Variants in CSGALNACT1 observed in about 807,000 individuals in gnomAD.
The protein encoded by CSGALNACT1 is chondroitin sulfate N-acetylgalactosaminyltransferase 1.
CSGALNACT1 carries 52 observed loss-of-function variants against 51.0 expected under a neutral mutation model. That is an observed-to-expected ratio of 1.02 (90% confidence interval 0.82 to 1.29). The LOEUF is 1.29. Among genes scored for constraint, CSGALNACT1 ranks in the 50% most tolerant of loss-of-function variants. The probability of loss-of-function intolerance (pLI) is 0.00; values close to 1 mark genes in which losing one functional copy is unlikely to be tolerated. For missense variants in CSGALNACT1, 935 were observed against 679.2 expected (o/e 1.38, Z -4.19); for synonymous variants, 341 against 254.4 (o/e 1.34, Z -3.24).
At chr8:19,488,361 TTATATATACATATATATATATA>T (rs1563686186) in intron 4 of CSGALNACT1, among the ~76,000 whole-genome samples, 1 of 89,836 alleles carries the variant, frequency 1.1e-5, no homozygotes, top group African/African-American at 3.8e-5. Context: ...TTATATATAT[TTATATATACATATATATATATA>T]TATATATATA....
chr8:19,468,969 G>A (rs557819670), intron 4 of CSGALNACT1, among the ~76,000 whole-genome samples: 2 of 152,302 alleles, frequency 1.3e-5, no homozygotes, highest in South Asian at 4.1e-4. Context: ...AAGGGTCACT[G>A]AGAAGTCCCA....
rs1400769158 is a variant in CSGALNACT1 at position 19,488,572 on chromosome 8, A to G, written c.634+16629T>C. 7.2e-5 allele frequency among the ~76,000 whole-genome samples: 11 copies of G among 151,924 alleles called. No homozygotes were observed. In the Middle Eastern group the frequency reaches 0.021, roughly 284 times the overall value. On this transcript the variant is annotated intron_variant, in intron 4 of 9. Coordinates refer to ENST00000454498, the Ensembl canonical transcript of CSGALNACT1. ...GGTATCTCAGAGAAAATCAACTGCT[A>G]TTCAGAAGGGTATGAAGAGCCAGGG...
intron 8 of CSGALNACT1, among the ~76,000 whole-genome samples, chr8:19,409,496 T>TAG (rs1334064654): frequency 1.8e-5 from 2 of 109,220 alleles, no homozygotes; most frequent in African/African-American, 6.2e-5. Flanking sequence ...CATATATATA[T>TAG]ATATAGAGAG....
intron 4 of CSGALNACT1, among the ~76,000 whole-genome samples, chr8:19,500,074 T>C (rs1345384087): frequency 1.3e-5 from 2 of 152,150 alleles, no homozygotes; most frequent in Non-Finnish European, 2.9e-5. Flanking sequence ...AGCAAACGCA[T>C]GGAGATATTT....
chr8:19,491,823 C>T (rs796528289), intron 4 of CSGALNACT1, among the ~76,000 whole-genome samples: 16 of 152,288 alleles, frequency 1.1e-4, no homozygotes, highest in African/African-American at 3.4e-4. Flanking sequence ...CTAATAAATT[C>T]GGTACATAAT....
At chr8:19,505,766 G>A (rs771333789) in exon 4 of CSGALNACT1, 1 of 1,614,124 alleles carries the variant, frequency 6.2e-7, no homozygotes, top group Non-Finnish European at 8.5e-7. Context: ...AGATAGCACA[G>A]CAGAGGAGCA....
At chr8:19,739,638 G>A (rs1285529552) in intron 1 of CSGALNACT1, among the ~76,000 whole-genome samples, 3 of 152,216 alleles carry the variant, frequency 2.0e-5, no homozygotes, top group Non-Finnish European at 4.4e-5. Flanking sequence ...TTAAATAGGA[G>A]GGGGCAGACC....
At chr8:19,711,965 A>G (rs2062533390) in intron 1 of CSGALNACT1, among the ~76,000 whole-genome samples, 1 of 152,216 alleles carries the variant, frequency 6.6e-6, no homozygotes, top group Non-Finnish European at 1.5e-5. Flanking sequence ...CAGATGTGGA[A>G]GCAGCACGCC....
intron 3 of CSGALNACT1, among the ~76,000 whole-genome samples, chr8:19,510,642 G>A (rs1028063026): frequency 6.6e-6 from 1 of 152,146 alleles, no homozygotes; most frequent in Non-Finnish European, 1.5e-5. Context: ...CATTAAAATA[G>A]ATATAAAGTG....
intron 3 of CSGALNACT1, among the ~76,000 whole-genome samples, chr8:19,587,127 C>T (rs1588719108): frequency 6.6e-6 from 1 of 152,310 alleles, no homozygotes; most frequent in East Asian, 1.9e-4. Context: ...GGACCAAAAA[C>T]AGCAATCGCT....
chr8:19,408,981 C>A (rs1224413909), intron 8 of CSGALNACT1, among the ~76,000 whole-genome samples: 1 of 149,184 alleles, frequency 6.7e-6, no homozygotes, highest in African/African-American at 2.5e-5. Flanking sequence ...CACACACAAT[C>A]AAAAACAAAA....
chr8:19,570,115 G>A (rs940240410), intron 3 of CSGALNACT1, among the ~76,000 whole-genome samples: 1 of 151,456 alleles, frequency 6.6e-6, no homozygotes, highest in Admixed American at 6.6e-5. Flanking sequence ...GGTTCTAGAA[G>A]TGGTCTACAT....
intron 1 of CSGALNACT1, among the ~76,000 whole-genome samples, chr8:19,654,174 G>A (rs2058066927): frequency 6.6e-6 from 1 of 152,198 alleles, no homozygotes; most frequent in African/African-American, 2.4e-5. Flanking sequence ...CAGTAAGTCA[G>A]TAATAGTCAC....
intron 5 of CSGALNACT1, among the ~76,000 whole-genome samples, chr8:19,440,402 G>C (rs938382107): frequency 5.5e-4 from 83 of 152,018 alleles, no homozygotes; most frequent in African/African-American, 1.9e-3. Flanking sequence ...GGGATGCAAG[G>C]CTGGTTCAAT....
chr8:19,519,585 G>A (rs565612994), intron 3 of CSGALNACT1, among the ~76,000 whole-genome samples: 24 of 152,276 alleles, frequency 1.6e-4, no homozygotes, highest in African/African-American at 5.3e-4. Flanking sequence ...CACTGGTGCC[G>A]ATAGCTGTCT....
chr8:19,687,255 A>C (rs1412592821), upstream of CSGALNACT1, among the ~76,000 whole-genome samples: 1 of 152,048 alleles, frequency 6.6e-6, no homozygotes, highest in Non-Finnish European at 1.5e-5. Flanking sequence ...ATTCCTCAGC[A>C]AGACATTTAA....
At chr8:19,701,030 C>T (rs905341321) in intron 1 of CSGALNACT1, among the ~76,000 whole-genome samples, 1 of 152,052 alleles carries the variant, frequency 6.6e-6, no homozygotes, top group Non-Finnish European at 1.5e-5. Context: ...CTTGCAGGTG[C>T]CTTTCTGACC....
At chr8:19,638,293 T>A (rs1380072549) in intron 1 of CSGALNACT1, among the ~76,000 whole-genome samples, 1 of 151,870 alleles carries the variant, frequency 6.6e-6, no homozygotes, top group East Asian at 1.9e-4. Context: ...TGTCTGCTGC[T>A]CCAAAAAGCA....
chr8:19,599,278 G>T (rs949651526), intron 2 of CSGALNACT1, among the ~76,000 whole-genome samples: 2 of 151,780 alleles, frequency 1.3e-5, no homozygotes, highest in African/African-American at 2.4e-5. Flanking sequence ...TCCATTTCGT[G>T]GTAGGGAGAG....
Sources: allele counts gnomAD v4.1 joint callset (sites outside exome capture counted in the v4.1 genomes callset), GRCh38; gene constraint gnomAD v4.1.1; transcripts MANE v1.5; gene names NCBI Gene and HGNC (gene_info 2026-07-23, HGNC 2026-07-21).